Variants in NT5C1A observed in about 807,000 individuals in gnomAD.
NT5C1A encodes the protein cytosolic 5'-nucleotidase 1A.
Under a neutral mutation model 31.0 loss-of-function variants are expected in NT5C1A, and 18 were observed. That is an observed-to-expected ratio of 0.58 (90% CI 0.40 to 0.86). NT5C1A has a LOEUF of 0.86. Among genes scored for constraint, NT5C1A ranks in the 40% least tolerant of loss-of-function variants. The pLI is 0.00. For missense variants in NT5C1A, 470 were observed against 505.4 expected (o/e 0.93, Z 0.67); for synonymous variants, 185 against 203.6 (o/e 0.91, Z 0.78).
chr1:39,667,321 C>T (rs1646528953), intron 1 of NT5C1A, among the ~76,000 whole-genome samples: 1 of 151,948 alleles, frequency 6.6e-6, no homozygotes, highest in Admixed American at 6.6e-5. Context: ...CCTGCCTCAG[C>T]CTCCCAAGTA....
chr1:39,669,479 T>C (rs935084278), intron 1 of NT5C1A, among the ~76,000 whole-genome samples: 1 of 152,132 alleles, frequency 6.6e-6, no homozygotes, highest in Non-Finnish European at 1.5e-5. Flanking sequence ...CTCAGGCCCC[T>C]GGGAATGAGA....
intron 1 of NT5C1A, among the ~76,000 whole-genome samples, chr1:39,670,921 G>A (rs1230152551): frequency 6.6e-6 from 1 of 152,142 alleles, no homozygotes; most frequent in East Asian, 1.9e-4. Context: ...TCATTGTGCA[G>A]TGAGCTCCTG....
At position 39,659,331 on chromosome 1, in the gene NT5C1A, C is replaced by T; in HGVS notation, c.897G>A (p.Trp299Ter). ...ACAAGGCTTCATCTGTCTCCAGGCC[C>T]CAGCTGCGCAGGGTCTTGAGAGCCC... ...GARALKTLRS[W>*]GLETDEALFL... The change falls in exon 6 of 6, where the codon TGG becomes TGA. Residue 299 changes from tryptophan (W) to a stop codon, truncating the protein, a stop_gained. Coordinates refer to ENST00000235628, the MANE Select transcript of NT5C1A (RefSeq NM_032526.3). LOFTEE classifies it high-confidence loss of function. 6.2e-7 allele frequency: 1 copy of T among 1,613,966 alleles called. No homozygotes were observed. The highest frequency in any genetic ancestry group is 8.5e-7 in the Non-Finnish European group (1 of 1,180,030).
At chr1:39,666,382 G>A (rs1445812010) in intron 1 of NT5C1A, 146 bp from the exon 2 acceptor site, 1 of 751,492 alleles carries the variant, frequency 1.3e-6, no homozygotes, top group Non-Finnish European at 2.1e-6. Flanking sequence ...AGCAGATGTG[G>A]ACTTAGGTCA....
chr1:39,661,114 G>A lies in NT5C1A; in HGVS notation c.706C>T (p.His236Tyr), dbSNP rs1283076247. The A allele has an allele frequency of 1.3e-6, 2 of 1,591,212 alleles. No individual in the cohort carries two copies. The highest frequency in any genetic ancestry group is 1.7e-6 in the Non-Finnish European group (2 of 1,161,316). Residue 236 changes from histidine (H) to tyrosine (Y), a missense_variant, in exon 5 of 6, where the codon CAT (histidine) becomes TAT (tyrosine). By Grantham distance (83) the His-to-Tyr change is moderately conservative. Coordinates refer to ENST00000235628, the MANE Select transcript of NT5C1A (RefSeq NM_032526.3). ...GGTTTGTTCTCGTGGGCCTTCTCAT[G>A]CTCGAAGAATCGGTCCAGCCCGTGG... Reference protein sequence around the residue: ...KAHGLDRFFEHEKAHENKPLA... With the variant: ...KAHGLDRFFEYEKAHENKPLA...
chr1:39,654,058 C>T lies in NT5C1A; in HGVS notation c.*5063G>A, dbSNP rs1646447890. Among the ~76,000 whole-genome samples, 1 of 152,208 alleles carries T rather than the reference C, an allele frequency of 6.6e-6. No homozygotes were observed. The highest frequency in any genetic ancestry group is 1.5e-5 in the Non-Finnish European group (1 of 68,044). On this transcript the variant is annotated 3_prime_UTR_variant, in exon 6 of 6. Transcript: ENST00000235628. ...GGAGAAGAGTATCATGATGGCATAG[C>T]GACAGCAATGATGGCTGTAGATGGG...
intron 3 of NT5C1A, among the ~76,000 whole-genome samples, 164 bp from the exon 4 acceptor site, chr1:39,663,598 C>T (rs1166551600): frequency 6.6e-6 from 1 of 152,186 alleles, no homozygotes; most frequent in African/African-American, 2.4e-5. Context: ...CCCCTCCATC[C>T]TTCATGAAAT....
rs558782337 is a variant in NT5C1A, at chr1:39,655,025, T to G, written c.*4096A>C. On this transcript the variant is annotated 3_prime_UTR_variant, in exon 6 of 6. Transcript: ENST00000235628. ...GGCGTGATCTCGGTTCACTGCAACC[T>G]CCGCCTTCCGGGTTCAAGTGATCCT... Among the ~76,000 whole-genome samples, 499 of 152,222 alleles carry G rather than the reference T, an allele frequency of 3.3e-3. 2 individuals carry two copies. Among genetic ancestry groups the G allele is most frequent in the African/African-American group, 0.012 (488 of 41,542 alleles).
At chr1:39,661,515 GA>G (rs1366991479) in intron 4 of NT5C1A, among the ~76,000 whole-genome samples, 3 of 152,232 alleles carry the variant, frequency 2.0e-5, no homozygotes, top group African/African-American at 7.2e-5. Flanking sequence ...TTGCTTTGTG[GA>G]AAAGTCTGGG....
At position 39,654,899 on chromosome 1, in the gene NT5C1A, T is replaced by C. The variant is rs1014923625; in HGVS notation, c.*4222A>G. On this transcript the variant is annotated 3_prime_UTR_variant, in exon 6 of 6. Coordinates refer to ENST00000235628, the MANE Select transcript of NT5C1A (RefSeq NM_032526.3). ...CAGTGTGAAATCAGCCATAAACATATGTAAACAAATGGGCATGGCTATGTT... is the reference window on the plus strand; with the variant it reads ...CAGTGTGAAATCAGCCATAAACATACGTAAACAAATGGGCATGGCTATGTT... 1.3e-5 allele frequency among the ~76,000 whole-genome samples: 2 copies of C among 152,166 alleles called. No individual in the cohort carries two copies. The highest frequency in any genetic ancestry group is 2.4e-5 in the African/African-American group (1 of 41,444).
chr1:39,661,481 C>G (rs1557745056), intron 4 of NT5C1A, among the ~76,000 whole-genome samples: 1 of 152,236 alleles, frequency 6.6e-6, no homozygotes, highest in Non-Finnish European at 1.5e-5. Context: ...GGGCCCTTGC[C>G]TTGCCAGGTT....
chr1:39,659,432 A>T lies in NT5C1A; in HGVS notation c.796T>A (p.Ser266Thr). 1 of 1,608,916 alleles carries T rather than the reference A, an allele frequency of 6.2e-7. No homozygotes were observed. Among genetic ancestry groups the T allele is most frequent in the Non-Finnish European group, 8.5e-7 (1 of 1,176,912 alleles). ...ALGRLQKKFY[S>T]KGLRLECPIR... is the part of the protein sequence containing the mutation. ...GGGCACTCCAGCCGCAGGCCTTTGG[A>T]GTAGAACTTCTTCTGCAACCTACCC... The change falls in exon 6 of 6, where the codon TCC becomes ACC. Residue 266 changes from serine to threonine, a missense_variant. Physicochemically the swap from Ser to Thr is moderately conservative, Grantham distance 58 (BLOSUM62 1). Transcript: ENST00000235628.
intron 2 of NT5C1A, 97 bp downstream of exon 2, chr1:39,665,972 G>A: frequency 2.6e-6 from 3 of 1,174,640 alleles, no homozygotes; most frequent in Non-Finnish European, 3.6e-6. Context: ...CATCTGCCCA[G>A]AGGGGCCCTT....
intron 1 of NT5C1A, among the ~76,000 whole-genome samples, chr1:39,667,930 C>T (rs1177009908): frequency 2.0e-5 from 3 of 152,194 alleles, no homozygotes; most frequent in African/African-American, 4.8e-5. Flanking sequence ...GTAAATGCAG[C>T]TTTAGAACCT....
At position 39,661,155 on chromosome 1, in the gene NT5C1A, T is replaced by A; in HGVS notation, c.665A>T (p.Glu222Val). ...CAGCCCGTGGGCCTTGACGATGCGC[T>A]CCGACTCGTCCGAGAAGAGCACGGC... Reference protein sequence around the residue: ...GDAVLFSDESERIVKAHGLDR... With the variant: ...GDAVLFSDESVRIVKAHGLDR... Residue 222 changes from glutamate to valine, a missense_variant, in exon 5 of 6, where the codon GAG becomes GTG. By Grantham distance (121) the Glu-to-Val change is moderately radical. Coordinates refer to ENST00000235628, the MANE Select transcript of NT5C1A (RefSeq NM_032526.3). The A allele has an allele frequency of 6.2e-7, 1 of 1,604,592 alleles. No individual in the cohort carries two copies. Among genetic ancestry groups the A allele is most frequent in the Non-Finnish European group, 8.5e-7 (1 of 1,172,000 alleles).
Position 39,666,093 on chromosome 1 carries a change from G to A in NT5C1A, c.279C>T (p.Pro93=), listed in dbSNP as rs758031066. ...CCTTCACAAAAGGGAAGGCTGGCCCGGGACTGAAGGGTTCGTTCTCATGTT... is the reference window on the plus strand; with the variant it reads ...CCTTCACAAAAGGGAAGGCTGGCCCAGGACTGAAGGGTTCGTTCTCATGTT... ...QLEHENEPFS[P]GPAFPFVKAL... The change falls in exon 2 of 6, where the codon CCC becomes CCT. Residue 93 remains proline, a synonymous_variant. Transcript: ENST00000235628. The A allele has an allele frequency of 2.1e-5, 34 of 1,613,340 alleles. 1 individual carries two copies. The highest frequency in any genetic ancestry group is 2.5e-5 in the Non-Finnish European group (29 of 1,179,896).
chr1:39,672,069 AGGC>A lies in NT5C1A; in HGVS notation c.-34_-32del. Reference sequence around the variant, plus strand: ...GGCTCTGACCCGGCCCGGCCAGAGCAGGCGGCGGCGTAGACGCGGAGGTGGCTG... The same window carrying A: ...GGCTCTGACCCGGCCCGGCCAGAGCAGGCGGCGTAGACGCGGAGGTGGCTG... On this transcript the variant is annotated 5_prime_UTR_variant, in exon 1 of 6. Coordinates refer to ENST00000235628, the MANE Select transcript of NT5C1A (RefSeq NM_032526.3). 1 of 1,536,058 alleles carries A rather than the reference AGGC, an allele frequency of 6.5e-7. No individual in the cohort carries two copies. Among genetic ancestry groups the A allele is most frequent in the Non-Finnish European group, 8.7e-7 (1 of 1,152,650 alleles).
intron 1 of NT5C1A, among the ~76,000 whole-genome samples, chr1:39,667,045 G>A (rs1342069819): frequency 6.6e-6 from 1 of 152,116 alleles, no homozygotes; most frequent in Non-Finnish European, 1.5e-5. Context: ...CTTTAGTGGT[G>A]CACACTATTC....
At chr1:39,671,613 C>G (rs1646552563) in intron 1 of NT5C1A, among the ~76,000 whole-genome samples, 1 of 152,206 alleles carries the variant, frequency 6.6e-6, no homozygotes, top group African/African-American at 2.4e-5. Flanking sequence ...AATCCGCGCT[C>G]CCCGGCGGCC....
Sources: gnomAD v4.1 joint callset for allele counts (sites outside exome capture counted in the v4.1 genomes callset) on GRCh38, gnomAD v4.1.1 for gene constraint, MANE v1.5 for transcripts, NCBI Gene and HGNC (gene_info 2026-07-23, HGNC 2026-07-21) for gene names.